ZNF729: variants seen among roughly 807,000 people sequenced by gnomAD.
ZNF729 encodes zinc finger protein 729.
ZNF729 carries 15 observed loss-of-function variants against 12.2 expected under a neutral mutation model. That is an observed-to-expected ratio of 1.23 (90% confidence interval 0.82 to 1.89). The LOEUF is 1.89. ZNF729 is among the 40% of genes most tolerant of loss of function. ZNF729 has a pLI of 0.00. For synonymous variants in ZNF729, 492 were observed against 476.3 expected (o/e 1.03, Z -0.43); for missense variants, 1,540 against 1,456.7 (o/e 1.06, Z -0.93).
At chr19:22,304,358 T>C (rs1968353269) in intron 2 of ZNF729, among the ~76,000 whole-genome samples, 1 of 152,120 alleles carries the variant, frequency 6.6e-6, no homozygotes, top group Admixed American at 6.6e-5. Context: ...TTTTTAAAGA[T>C]GTTTCATTTT....
Position 22,295,036 on chromosome 19 carries a change from ATTTGTG to A in ZNF729, c.30+8483_30+8488del, listed in dbSNP as rs909836647. On this transcript the variant is annotated intron_variant, in intron 1 of 3. Coordinates refer to ENST00000601693, the MANE Select transcript of ZNF729 (RefSeq NM_001242680.2). The stretch of plus-strand genomic sequence containing the variant: ...TCTCTGGTTAGGTGTACTCCTAGAT[ATTTGTG>A]TGTGTGTGTGTGTGTGTGTGTGTGT... Among the ~76,000 whole-genome samples, 36 of 91,316 alleles carry A rather than the reference ATTTGTG, an allele frequency of 3.9e-4. No individual in the cohort carries two copies. In the East Asian group the frequency reaches 7.6e-3, roughly 19 times the overall value. 59.9% of individuals were successfully genotyped at this position (91,316 alleles called of 152,430 possible).
Position 22,304,712 on chromosome 19 carries a change from T to G in ZNF729, c.182T>G (p.Leu61Trp). ...GGTATGGCTGTCTTTAAGCCAGACT[T>G]GATAACTTGTCTGAAGCAAGGGAAA... ...FLGMAVFKPD[L>W]ITCLKQGKEP... is the part of the protein sequence containing the mutation. The change falls in exon 3 of 4, where the codon TTG becomes TGG. Residue 61 changes from leucine (L) to tryptophan (W), a missense_variant. Leu to Trp is a moderately conservative substitution (Grantham distance 61). Transcript: ENST00000601693. The G allele has an allele frequency of 6.2e-7, 1 of 1,613,174 alleles. No homozygotes were observed. The highest frequency in any genetic ancestry group is 8.5e-7 in the Non-Finnish European group (1 of 1,179,586).
In ZNF729 at chr19:22,313,580, T is replaced by C. The variant is rs550394546; in HGVS notation, c.254-91T>C. On this transcript the variant is annotated intron_variant, in intron 3 of 3. Coordinates refer to ENST00000601693, the MANE Select transcript of ZNF729 (RefSeq NM_001242680.2). Reference sequence around the variant, plus strand: ...TGTCTTATTTTGCTGTGCCATCTTATGTGGTTTGCATAATTTTATAGGTTA... The same window carrying C: ...TGTCTTATTTTGCTGTGCCATCTTACGTGGTTTGCATAATTTTATAGGTTA... 1.4e-5 allele frequency: 16 copies of C among 1,185,038 alleles called. No homozygotes were observed. The Admixed American group carries it at 1.4e-4, about 11-fold the overall frequency. The allele number at this position is 1,185,038 out of a possible 1,614,324, so 73.4% of individuals were successfully genotyped here. A position where few individuals can be genotyped will look rare whatever the true frequency, so the allele number is the denominator to read the frequency against.
rs754527849 is a variant in ZNF729 at position 22,316,714 on chromosome 19, T to C, written c.3297T>C (p.Thr1099=). ...SALRKHKVIH[T]GKKPYQCDEC... ...TTAGAAAACATAAGGTAATTCATAC[T>C]GGAAAGAAACCCTACCAATGTGACG... The change falls in exon 4 of 4, where the codon ACT becomes ACC. Residue 1099 remains threonine, a synonymous_variant. Transcript: ENST00000601693. 8.7e-6 allele frequency: 14 copies of C among 1,612,934 alleles called. No homozygotes were observed. The highest frequency in any genetic ancestry group is 1.1e-5 in the Non-Finnish European group (13 of 1,179,792).
In ZNF729 at chr19:22,315,370, T is replaced by C. The variant is rs1225111398; in HGVS notation, c.1953T>C (p.Thr651=). ...TTACTAGACATAAAGCAATTCATAC[T>C]GGAGAGAAACCTTACAAATGTGAAG... ...SHLTRHKAIH[T]GEKPYKCEEC... Residue 651 remains threonine, a synonymous_variant, in exon 4 of 4, where the codon ACT becomes ACC. Transcript: ENST00000601693. 1 of 1,613,644 alleles carries C rather than the reference T, an allele frequency of 6.2e-7. No homozygotes were observed. Among genetic ancestry groups the C allele is most frequent in the Non-Finnish European group, 8.5e-7 (1 of 1,179,818 alleles).
rs1304122409 is a variant in ZNF729 at position 22,314,374 on chromosome 19, C to T, written c.957C>T (p.Pro319=). The part of the protein sequence containing the change: ...AHKVIHTAEK[P]YKCEDCGKTF... ...AGGTAATTCATACTGCAGAGAAACCCTACAAATGTGAAGATTGTGGCAAAA... is the reference window on the plus strand; with the variant it reads ...AGGTAATTCATACTGCAGAGAAACCTTACAAATGTGAAGATTGTGGCAAAA... The change falls in exon 4 of 4, where the codon CCC becomes CCT. Residue 319 remains proline, a synonymous_variant. Coordinates refer to ENST00000601693, the MANE Select transcript of ZNF729 (RefSeq NM_001242680.2). 3 of 1,593,394 alleles carry T rather than the reference C, an allele frequency of 1.9e-6. No individual in the cohort carries two copies. Among genetic ancestry groups the T allele is most frequent in the Non-Finnish European group, 2.6e-6 (3 of 1,167,408 alleles).
intron 1 of ZNF729, among the ~76,000 whole-genome samples, chr19:22,292,473 C>G (rs1968168529): frequency 6.6e-6 from 1 of 152,128 alleles, no homozygotes; most frequent in African/African-American, 2.4e-5. Flanking sequence ...GGGTCTCACT[C>G]TGTCACCCAG....
intron 1 of ZNF729, among the ~76,000 whole-genome samples, chr19:22,288,131 A>ACC (rs1218968515): frequency 1.3e-5 from 2 of 152,136 alleles, no homozygotes; most frequent in Non-Finnish European, 2.9e-5. Context: ...GGCGTGAGTC[A>ACC]CCGTGCCCAG....
chr19:22,310,640 A>G (rs77840740), intron 3 of ZNF729, among the ~76,000 whole-genome samples: 3 of 152,150 alleles, frequency 2.0e-5, no homozygotes, highest in Non-Finnish European at 4.4e-5. Flanking sequence ...CATCAGGGAC[A>G]TCAGTCTGTG....
intron 3 of ZNF729, among the ~76,000 whole-genome samples, chr19:22,309,007 A>G (rs111403022): frequency 0.025 from 3,804 of 152,296 alleles, 155 homozygotes; most frequent in African/African-American, 0.087. Flanking sequence ...GGTTTTTCCA[A>G]TGTTATCATC....
rs71180536 is a variant in ZNF729 at position 22,295,038 on chromosome 19, T to TTGTGTGTG, written c.30+8511_30+8518dup. ...TCTGGTTAGGTGTACTCCTAGATAT[T>TTGTGTGTG]TGTGTGTGTGTGTGTGTGTGTGTGT... is the stretch of plus-strand genomic sequence containing the variant. On this transcript the variant is annotated intron_variant, in intron 1 of 3. Coordinates refer to ENST00000601693, the MANE Select transcript of ZNF729 (RefSeq NM_001242680.2). Among the ~76,000 whole-genome samples, 882 of 144,118 alleles carry TTGTGTGTG rather than the reference T, an allele frequency of 6.1e-3. 17 individuals carry two copies. Among genetic ancestry groups the TTGTGTGTG allele is most frequent in the African/African-American group, 0.021 (809 of 38,928 alleles). 94.5% of individuals were successfully genotyped at this position (144,118 alleles called of 152,430 possible).
rs913569121 is a variant in ZNF729 at position 22,313,962 on chromosome 19, G to A, written c.545G>A (p.Cys182Tyr). 2.6e-6 allele frequency: 4 copies of A among 1,537,326 alleles called. No homozygotes were observed. Among genetic ancestry groups the A allele is most frequent in the African/African-American group, 2.7e-5 (2 of 72,860 alleles). ...CACACTAAAAAGAAAACTTTCAAATGTATAAAATGTAGCAAATCATTTTTC... is the reference window on the plus strand; with the variant it reads ...CACACTAAAAAGAAAACTTTCAAATATATAAAATGTAGCAAATCATTTTTC... The part of the protein sequence containing the change: ...VRHTKKKTFK[C>Y]IKCSKSFFML... The change falls in exon 4 of 4, where the codon TGT (cysteine) becomes TAT (tyrosine). Residue 182 changes from cysteine (C) to tyrosine (Y), a missense_variant. Cys to Tyr is a radical substitution (Grantham distance 194). Transcript: ENST00000601693.
intron 1 of ZNF729, chr19:22,299,930 C>G (rs1332370700): frequency 2.6e-5 from 4 of 152,288 alleles, no homozygotes; most frequent in African/African-American, 9.6e-5. Context: ...GATGTGAGCC[C>G]TGTGCAGTGT....
At chr19:22,296,628 AT>A (rs1035784554) in intron 1 of ZNF729, among the ~76,000 whole-genome samples, 3 of 150,776 alleles carry the variant, frequency 2.0e-5, no homozygotes, top group South Asian at 2.1e-4. Context: ...TTATTTATTT[AT>A]TTTTTTTGTC....
chr19:22,314,182 G>T lies in ZNF729; in HGVS notation c.765G>T (p.Lys255Asn). ...FKFSSTFTKH[K>N]RIHTGETPFR... ...TTTCTTCAACGTTCACTAAACATAAGAGAATTCATACTGGAGAGACACCTT... is the reference window on the plus strand; with the variant it reads ...TTTCTTCAACGTTCACTAAACATAATAGAATTCATACTGGAGAGACACCTT... The change falls in exon 4 of 4, where the codon AAG becomes AAT. Residue 255 changes from lysine to asparagine, a missense_variant. Physicochemically the swap from Lys to Asn is moderately conservative, Grantham distance 94. Transcript: ENST00000601693. The T allele has an allele frequency of 6.3e-7, 1 of 1,587,042 alleles. No homozygotes were observed. Among genetic ancestry groups the T allele is most frequent in the South Asian group, 1.1e-5 (1 of 88,634 alleles).
Position 22,315,356 on chromosome 19 carries a change from A to G in ZNF729, c.1939A>G (p.Lys647Glu). 6.2e-7 allele frequency: 1 copy of G among 1,613,528 alleles called. No individual in the cohort carries two copies. Among genetic ancestry groups the G allele is most frequent in the Non-Finnish European group, 8.5e-7 (1 of 1,179,770 alleles). ...GCAATCCTCACACCTTACTAGACAT[A>G]AAGCAATTCATACTGGAGAGAAACC... is the stretch of plus-strand genomic sequence containing the variant. ...FRQSSHLTRHKAIHTGEKPYK... is the reference protein window; with the variant it reads ...FRQSSHLTRHEAIHTGEKPYK... Residue 647 changes from lysine to glutamate, a missense_variant, in exon 4 of 4, where the codon AAA (lysine) becomes GAA (glutamate). Physicochemically the swap from Lys to Glu is moderately conservative, Grantham distance 56. Transcript: ENST00000601693.
chr19:22,305,006 T>C (rs937061352), intron 3 of ZNF729, among the ~76,000 whole-genome samples: 2 of 152,222 alleles, frequency 1.3e-5, no homozygotes, highest in African/African-American at 4.8e-5. Context: ...CCTTCAAGTT[T>C]ACAATGAGAG....
At chr19:22,309,451 A>T (rs1315499413) in intron 3 of ZNF729, among the ~76,000 whole-genome samples, 1 of 152,126 alleles carries the variant, frequency 6.6e-6, no homozygotes, top group Non-Finnish European at 1.5e-5. Flanking sequence ...TCTCAGAAAA[A>T]AAAGAAAAGA....
In ZNF729 at chr19:22,296,500, ATCTTC is replaced by A. The variant is rs1568572110; in HGVS notation, c.31-7253_31-7249del. Among the ~76,000 whole-genome samples the A allele has an allele frequency of 2.3e-4, 35 of 151,894 alleles. 1 individual carries two copies. Among genetic ancestry groups the A allele is most frequent in the Admixed American group, 7.9e-4 (12 of 15,260 alleles). ...CTTTTGTCATTAACTGTTTATTTGAATCTTCTCTTTATTCTTCATTAATCTAGCTA... is the reference window on the plus strand; with the variant it reads ...CTTTTGTCATTAACTGTTTATTTGAATCTTTATTCTTCATTAATCTAGCTA... On this transcript the variant is annotated intron_variant, in intron 1 of 3. Transcript: ENST00000601693.
Sources: gnomAD v4.1 joint callset for allele counts (sites outside exome capture counted in the v4.1 genomes callset) on GRCh38, gnomAD v4.1.1 for gene constraint, MANE v1.5 for transcripts, NCBI Gene and HGNC (gene_info 2026-07-23, HGNC 2026-07-21) for gene names.